MYO3B: variants seen among roughly 807,000 people sequenced by gnomAD.
MYO3B encodes myosin-IIIb.
Under a neutral mutation model 174.6 loss-of-function variants are expected in MYO3B, and 156 were observed. The observed-to-expected ratio is 0.89, with a 90% CI of 0.78 to 1.02. The LOEUF (loss-of-function observed/expected upper bound fraction) is 1.02, where lower values mean the gene tolerates loss of function less well. Among genes scored for constraint, MYO3B ranks in the 50% least tolerant of loss-of-function variants. MYO3B has a pLI of 0.00. For missense variants in MYO3B, 1,632 were observed against 1,639.4 expected, an observed-to-expected ratio of 1.00 and a Z score of 0.08; for synonymous variants, 563 against 569.1, an observed-to-expected ratio of 0.99 and a Z score of 0.15.
At chr2:170,386,459 G>T (rs1478214900) in intron 13 of MYO3B, among the ~76,000 whole-genome samples, 187 bp downstream of exon 13, 2 of 152,074 alleles carry the variant, frequency 1.3e-5, no homozygotes, top group African/African-American at 4.8e-5. Context: ...CCTTCACGTA[G>T]GGAGGAGAAT....
At chr2:170,214,526 G>A in intron 4 of MYO3B, 43 bp downstream of exon 4, 1 of 1,577,352 alleles carries the variant, frequency 6.3e-7, no homozygotes, top group Non-Finnish European at 8.7e-7. Context: ...AGATGGGATG[G>A]TTTGTTCATT....
At chr2:170,321,961 A>C (rs1179017261) in intron 7 of MYO3B, among the ~76,000 whole-genome samples, 3 of 151,950 alleles carry the variant, frequency 2.0e-5, no homozygotes, top group Non-Finnish European at 4.4e-5. Context: ...TAAAAATACC[A>C]AAATTAGCTG....
At chr2:170,393,583 A>C (rs914600121) in intron 16 of MYO3B, among the ~76,000 whole-genome samples, 2 of 152,182 alleles carry the variant, frequency 1.3e-5, no homozygotes, top group Admixed American at 6.5e-5. Context: ...AATTATTAGG[A>C]GGTAGGTGAG....
intron 1 of MYO3B, among the ~76,000 whole-genome samples, chr2:170,194,815 A>G (rs556167972): frequency 6.6e-6 from 1 of 152,300 alleles, no homozygotes; most frequent in South Asian, 2.1e-4. Flanking sequence ...CCTCAAAAGT[A>G]GGGAAGCTGA....
intron 22 of MYO3B, chr2:170,411,756 G>T (rs904336797): frequency 6.6e-6 from 1 of 152,252 alleles, no homozygotes; most frequent in Non-Finnish European, 1.5e-5. Flanking sequence ...AGAATAAGGA[G>T]GCCCAAGGTC....
intron 7 of MYO3B, 75 bp downstream of exon 7, chr2:170,236,211 T>G: frequency 2.5e-6 from 4 of 1,577,544 alleles, no homozygotes; most frequent in Non-Finnish European, 3.5e-6. Flanking sequence ...ATAAATAGTT[T>G]GCAAGCAATT....
chr2:170,431,264 G>T (rs1179229798), intron 22 of MYO3B, among the ~76,000 whole-genome samples: 1 of 151,974 alleles, frequency 6.6e-6, no homozygotes, highest in Non-Finnish European at 1.5e-5. Context: ...GGCTCTAAAA[G>T]GAAATTCTCC....
chr2:170,456,889 T>C (rs1559019007), intron 23 of MYO3B, among the ~76,000 whole-genome samples: 1 of 152,216 alleles, frequency 6.6e-6, no homozygotes, highest in Non-Finnish European at 1.5e-5. Context: ...CGTTCATTCA[T>C]AGAGTGTGCT....
At chr2:170,606,466 T>C (rs1340232336) in intron 32 of MYO3B, among the ~76,000 whole-genome samples, 3 of 152,220 alleles carry the variant, frequency 2.0e-5, no homozygotes, top group Non-Finnish European at 4.4e-5. Flanking sequence ...ACCATATCCA[T>C]GAGTTCCTTT....
intron 30 of MYO3B, among the ~76,000 whole-genome samples, chr2:170,535,096 A>G (rs1328068279): frequency 6.6e-6 from 1 of 152,150 alleles, no homozygotes; most frequent in Non-Finnish European, 1.5e-5. Flanking sequence ...TTAATATGCT[A>G]CATAGTTACT....
chr2:170,238,412 A>G (rs2093095222), intron 7 of MYO3B, among the ~76,000 whole-genome samples: 1 of 152,196 alleles, frequency 6.6e-6, no homozygotes, highest in Non-Finnish European at 1.5e-5. Flanking sequence ...AGCAAATGAA[A>G]AATAATGACA....
chr2:170,479,504 T>C (rs1372768267), intron 25 of MYO3B, among the ~76,000 whole-genome samples: 1 of 146,196 alleles, frequency 6.8e-6, no homozygotes, highest in Non-Finnish European at 1.5e-5. Flanking sequence ...AAATATATGT[T>C]TTATATATAT....
chr2:170,552,122 A>G (rs1302170612), intron 32 of MYO3B, among the ~76,000 whole-genome samples: 1 of 152,178 alleles, frequency 6.6e-6, no homozygotes, highest in Non-Finnish European at 1.5e-5. Flanking sequence ...ATGGACTAAT[A>G]CAGAAAATTG....
intron 32 of MYO3B, among the ~76,000 whole-genome samples, chr2:170,641,726 C>T (rs1276734414): frequency 6.6e-6 from 1 of 151,972 alleles, no homozygotes; most frequent in Non-Finnish European, 1.5e-5. Context: ...GGAAAAAAGA[C>T]AAACTTTTCA....
intron 9 of MYO3B, among the ~76,000 whole-genome samples, chr2:170,370,008 A>G (rs1042884165): frequency 3.3e-5 from 5 of 152,188 alleles, no homozygotes; most frequent in African/African-American, 1.2e-4. Context: ...ATTTTTATAC[A>G]AATGTTTATT....
At chr2:170,471,636 C>T (rs1684982778) in intron 25 of MYO3B, among the ~76,000 whole-genome samples, 1 of 152,096 alleles carries the variant, frequency 6.6e-6, no homozygotes, top group African/African-American at 2.4e-5. Flanking sequence ...AGTTTCAACA[C>T]CATTTTGTTG....
At chr2:170,281,092 T>C (rs1559356522) in intron 7 of MYO3B, among the ~76,000 whole-genome samples, 1 of 152,208 alleles carries the variant, frequency 6.6e-6, no homozygotes, top group Non-Finnish European at 1.5e-5. Context: ...ATCATATTGA[T>C]TCTTTCTATC....
At chr2:170,236,217 C>T in intron 7 of MYO3B, 81 bp downstream of exon 7, 1 of 1,456,410 alleles carries the variant, frequency 6.9e-7, no homozygotes, top group Non-Finnish European at 9.3e-7. Context: ...AGTTTGCAAG[C>T]AATTTCTCTC....
At chr2:170,255,081 C>T (rs111240732) in intron 7 of MYO3B, among the ~76,000 whole-genome samples, 3 of 152,276 alleles carry the variant, frequency 2.0e-5, no homozygotes, top group African/African-American at 7.2e-5. Flanking sequence ...CCTGGGGATC[C>T]TACGCCCTTG....
Sources: gnomAD v4.1 joint callset for allele counts (sites outside exome capture counted in the v4.1 genomes callset) on GRCh38, gnomAD v4.1.1 for gene constraint, MANE v1.5 for transcripts, NCBI Gene and HGNC (gene_info 2026-07-23, HGNC 2026-07-21) for gene names.